The following KIAA1217 variants were observed in gnomAD, a reference collection of about 807,000 sequenced individuals.
The protein encoded by KIAA1217 is sickle tail protein homolog.
KIAA1217 carries 88 observed loss-of-function variants against 163.9 expected under a neutral mutation model. That is an observed-to-expected ratio of 0.54 (90% CI 0.45 to 0.64). The LOEUF (loss-of-function observed/expected upper bound fraction) is 0.64. Among genes scored for constraint, KIAA1217 ranks in the 30% least tolerant of loss-of-function variants. KIAA1217 has a pLI of 0.00. For synonymous variants in KIAA1217, 903 were observed against 923.1 expected (o/e 0.98, Z 0.39); for missense variants, 2,372 against 2,475.0 (o/e 0.96, Z 0.88).
intron 1 of KIAA1217, among the ~76,000 whole-genome samples, chr10:23,784,312 T>TA (rs1835393363): frequency 6.6e-6 from 1 of 152,184 alleles, no homozygotes; most frequent in Admixed American, 6.5e-5. Flanking sequence ...ACCTTCACTT[T>TA]CAACTTGTGT....
At chr10:23,867,599 C>G (rs914891345) in intron 1 of KIAA1217, among the ~76,000 whole-genome samples, 23 of 152,248 alleles carry the variant, frequency 1.5e-4, no homozygotes, top group African/African-American at 5.1e-4. Context: ...CTGTGATGGC[C>G]AGTGATGATG....
At chr10:24,147,872 A>T in intron 2 of KIAA1217, among the ~76,000 whole-genome samples, 1 of 146,054 alleles carries the variant, frequency 6.8e-6, no homozygotes, top group Non-Finnish European at 1.5e-5. Context: ...AGAAAGAAAG[A>T]GAAAAGAAAA....
chr10:24,397,637 T>C (rs1284608222), intron 3 of KIAA1217, among the ~76,000 whole-genome samples: 3 of 152,196 alleles, frequency 2.0e-5, no homozygotes, highest in Admixed American at 2.0e-4. Flanking sequence ...GATTTGGGTT[T>C]TGAAGGATGA....
chr10:24,298,819 A>G (rs1590732104), intron 2 of KIAA1217, among the ~76,000 whole-genome samples: 2 of 152,066 alleles, frequency 1.3e-5, no homozygotes, highest in African/African-American at 4.8e-5. Context: ...ATAAATAAAT[A>G]AAATAAAATA....
At chr10:24,147,006 T>TAAA (rs755857019) in intron 2 of KIAA1217, among the ~76,000 whole-genome samples, 69 of 110,688 alleles carry the variant, frequency 6.2e-4, no homozygotes, top group East Asian at 2.7e-3. Flanking sequence ...TTTGTTTTGT[T>TAAA]AAAAAAAAAA....
chr10:23,859,467 G>C (rs1280722834), intron 1 of KIAA1217, among the ~76,000 whole-genome samples: 1 of 152,164 alleles, frequency 6.6e-6, no homozygotes, highest in Non-Finnish European at 1.5e-5. Flanking sequence ...TATATTTGGT[G>C]TCATATTTTG....
intron 1 of KIAA1217, among the ~76,000 whole-genome samples, chr10:23,868,503 G>A (rs1840303956): frequency 6.6e-6 from 1 of 152,052 alleles, no homozygotes; most frequent in South Asian, 2.1e-4. Context: ...TTGTCCATCT[G>A]TTACCAAATC....
chr10:24,300,123 C>T (rs2041129894), intron 2 of KIAA1217, among the ~76,000 whole-genome samples: 2 of 152,202 alleles, frequency 1.3e-5, no homozygotes, highest in African/African-American at 4.8e-5. Context: ...AGTTACTCAC[C>T]TTCCTCACTG....
intron 2 of KIAA1217, among the ~76,000 whole-genome samples, chr10:24,230,345 G>A (rs141121498): frequency 5.9e-5 from 9 of 152,052 alleles, no homozygotes; most frequent in Middle Eastern, 3.4e-3. Flanking sequence ...TCTGAAATCC[G>A]AAATGCTCCA....
intron 2 of KIAA1217, among the ~76,000 whole-genome samples, chr10:24,108,532 C>T (rs1488127750): frequency 6.6e-6 from 1 of 152,062 alleles, no homozygotes; most frequent in Non-Finnish European, 1.5e-5. Flanking sequence ...GAAAAGAAAC[C>T]TTGAAGTCAA....
intron 12 of KIAA1217, 35 bp from the exon 13 acceptor site, chr10:24,524,288 T>C (rs1227896107): frequency 6.3e-7 from 1 of 1,577,220 alleles, no homozygotes; most frequent in Admixed American, 1.7e-5. Context: ...GAAAGTGACA[T>C]GAGGGTTAAT....
intron 2 of KIAA1217, among the ~76,000 whole-genome samples, chr10:24,322,334 C>T (rs994879997): frequency 2.0e-5 from 3 of 152,130 alleles, no homozygotes; most frequent in South Asian, 2.1e-4. Flanking sequence ...TCAGCAGTAG[C>T]GGCCTGGGCA....
intron 1 of KIAA1217, among the ~76,000 whole-genome samples, chr10:24,215,824 C>T (rs1000662719): frequency 4.6e-5 from 7 of 151,932 alleles, no homozygotes; most frequent in South Asian, 4.1e-4. Flanking sequence ...GCAGGTGCCT[C>T]GAGGTAGGAG....
chr10:24,257,701 C>T (rs1040060390), intron 2 of KIAA1217, among the ~76,000 whole-genome samples: 5 of 152,114 alleles, frequency 3.3e-5, no homozygotes, highest in African/African-American at 4.8e-5. Flanking sequence ...TATCCAGGAG[C>T]GTGCCAGTAC....
At chr10:23,989,784 A>T (rs968055038) in intron 1 of KIAA1217, among the ~76,000 whole-genome samples, 4 of 152,212 alleles carry the variant, frequency 2.6e-5, no homozygotes, top group African/African-American at 9.6e-5. Flanking sequence ...AGTAGTTTAC[A>T]TCCCCTTAGT....
At chr10:24,151,070 C>G (rs1244795543) in intron 2 of KIAA1217, among the ~76,000 whole-genome samples, 1 of 151,960 alleles carries the variant, frequency 6.6e-6, no homozygotes, top group Non-Finnish European at 1.5e-5. Flanking sequence ...GGAACAGAGG[C>G]CAGGTGTGCT....
In KIAA1217 at chr10:23,949,429, C is replaced by T. The variant is rs149045028; in HGVS notation, c.-320-57796C>T. 1.6e-3 allele frequency among the ~76,000 whole-genome samples: 243 copies of T among 152,272 alleles called. 1 individual carries two copies. The highest frequency in any genetic ancestry group is 5.6e-3 in the African/African-American group (231 of 41,554). ...GTTATTTAGTTTGTAGAAATACACA[C>T]GACTGTGTGACATACGCATGGTGAG... On this transcript the variant is annotated intron_variant, in intron 1 of 18. Coordinates refer to the KIAA1217 transcript ENST00000376462.
chr10:23,752,915 C>G (rs1386863852), intron 1 of KIAA1217, among the ~76,000 whole-genome samples: 1 of 152,104 alleles, frequency 6.6e-6, no homozygotes, highest in Admixed American at 6.5e-5. Context: ...CTGCAAGAGC[C>G]TTGTGAAGAA....
rs561307273 is a variant in KIAA1217, at chr10:24,410,617, T to G, written c.554-22378T>G. 2.0e-5 allele frequency among the ~76,000 whole-genome samples: 3 copies of G among 152,340 alleles called. No homozygotes were observed. The East Asian group carries it at 5.8e-4, about 29-fold the overall frequency. On this transcript the variant is annotated intron_variant, in intron 3 of 20. Transcript: ENST00000376454. ...CACTTTGAAGGTGTTCTCTATCACT[T>G]TTCTAAGGCTCTATCTCTTAAATTT...
Sources: allele counts gnomAD v4.1 joint callset (sites outside exome capture counted in the v4.1 genomes callset), GRCh38; gene constraint gnomAD v4.1.1; transcripts MANE v1.5; gene names NCBI Gene and HGNC (gene_info 2026-07-23, HGNC 2026-07-21).